The following TUBA4B variants were observed in gnomAD, a reference collection of about 807,000 sequenced individuals.
TUBA4B encodes the protein tubulin-like protein alpha-4B.
TUBA4B carries 13 observed loss-of-function variants against 18.4 expected under a neutral mutation model. That is an observed-to-expected ratio of 0.71 (90% CI 0.46 to 1.12). The LOEUF is 1.12. Ranked by LOEUF, TUBA4B falls within the 50% of genes most tolerant of loss-of-function variation. The pLI, the probability that TUBA4B is intolerant of heterozygous loss-of-function variation, is 0.00. For missense variants in TUBA4B, 244 were observed against 250.0 expected (o/e 0.98, Z 0.16); for synonymous variants, 101 against 99.1 (o/e 1.02, Z -0.11).
intron 1 of TUBA4B, among the ~76,000 whole-genome samples, chr2:219,260,116 G>A (rs1951751253): frequency 6.6e-6 from 1 of 151,648 alleles, no homozygotes; most frequent in Non-Finnish European, 1.5e-5. Flanking sequence ...TCTAGCTTTT[G>A]TCCTGGCCCC....
At chr2:219,261,976 A>T (rs1415242993) in intron 1 of TUBA4B, among the ~76,000 whole-genome samples, 1 of 152,110 alleles carries the variant, frequency 6.6e-6, no homozygotes, top group Non-Finnish European at 1.5e-5. Context: ...TGGTTTCCAG[A>T]TCTTGCCTCG....
chr2:219,269,675 A>G (rs1365876938), intron 2 of TUBA4B, among the ~76,000 whole-genome samples: 2 of 152,172 alleles, frequency 1.3e-5, no homozygotes, highest in Non-Finnish European at 2.9e-5. Flanking sequence ...GCAGTTGGCA[A>G]TGCCTGCTGG....
At chr2:219,262,040 A>G (rs1343422475) in intron 1 of TUBA4B, among the ~76,000 whole-genome samples, 4 of 152,220 alleles carry the variant, frequency 2.6e-5, no homozygotes, top group African/African-American at 9.6e-5. Context: ...GGCCGGGTGT[A>G]GTGGCTCACG....
intron 1 of TUBA4B, among the ~76,000 whole-genome samples, chr2:219,257,043 CTT>C (rs368841707): frequency 3.7e-5 from 4 of 107,584 alleles, no homozygotes; most frequent in South Asian, 3.4e-4. Flanking sequence ...CCCATTTTGG[CTT>C]TTTTTTTTTT....
intron 1 of TUBA4B, among the ~76,000 whole-genome samples, chr2:219,262,433 T>C (rs1185822483): frequency 1.3e-5 from 2 of 152,262 alleles, no homozygotes; most frequent in Non-Finnish European, 2.9e-5. Flanking sequence ...CCAGCCTTGT[T>C]TTCTTCACAT....
At chr2:219,259,248 G>A (rs1951745425) in intron 1 of TUBA4B, among the ~76,000 whole-genome samples, 1 of 151,118 alleles carries the variant, frequency 6.6e-6, no homozygotes, top group Non-Finnish European at 1.5e-5. Context: ...GAACCTTGGC[G>A]GCAGAGGTTG....
chr2:219,266,500 T>C, intron 1 of TUBA4B, 21 bp from the exon 2 acceptor site: 2 of 702,732 alleles, frequency 2.8e-6, no homozygotes, highest in Non-Finnish European at 5.2e-6. Flanking sequence ...CACAGATCTA[T>C]CCCTGCTCAC....
chr2:219,258,511 G>A (rs988188289), intron 1 of TUBA4B, among the ~76,000 whole-genome samples: 5 of 149,512 alleles, frequency 3.3e-5, no homozygotes, highest in African/African-American at 1.2e-4. Context: ...TGTATTATTA[G>A]TAGAGATGGG....
At chr2:219,253,711 G>A in intron 1 of TUBA4B, 2 of 1,017,388 alleles carry the variant, frequency 2.0e-6, no homozygotes, top group Non-Finnish European at 2.9e-6. Context: ...CCAGGAGGGG[G>A]TTGGGGAGGG....
intron 1 of TUBA4B, among the ~76,000 whole-genome samples, chr2:219,257,630 A>C (rs1951729640): frequency 9.2e-6 from 1 of 108,838 alleles, no homozygotes; most frequent in Non-Finnish European, 1.8e-5. Flanking sequence ...CAATAGTGAG[A>C]GACACTGTCT....
chr2:219,259,385 TTGTG>T (rs370289235), intron 1 of TUBA4B, among the ~76,000 whole-genome samples: 1 of 148,974 alleles, frequency 6.7e-6, no homozygotes, highest in East Asian at 2.0e-4. Context: ...CTGCTTCTGA[TTGTG>T]TGTGTGTGTG....
At chr2:219,267,823 A>G (rs1052123530) in intron 2 of TUBA4B, among the ~76,000 whole-genome samples, 2 of 152,096 alleles carry the variant, frequency 1.3e-5, no homozygotes, top group African/African-American at 2.4e-5. Flanking sequence ...TCGGCCTCCT[A>G]AAGTGTTGGG....
Position 219,271,337 on chromosome 2 carries a change from C to A in TUBA4B, c.364C>A (p.Gln122Lys), listed in dbSNP as rs7580926. 0.026 allele frequency: 41,552 copies of A among 1,612,856 alleles called. 2,389 individuals carry two copies. The highest frequency in any genetic ancestry group is 0.22 in the African/African-American group (16,356 of 74,926). ...PAPQVSTAMV[Q>K]PYNSILTTHT... ...CCCCCAGGTGTCTACAGCCATGGTC[C>A]AGCCCTACAACTCTATCCTGACCAC... is the stretch of plus-strand genomic sequence containing the variant. Residue 122 changes from glutamine to lysine, a missense_variant, in exon 4 of 4, where the codon CAG becomes AAG. Gln to Lys is a moderately conservative substitution (Grantham distance 53, BLOSUM62 1). Coordinates refer to ENST00000490341, the MANE Select transcript of TUBA4B (RefSeq NM_001355221.1).
intron 1 of TUBA4B, among the ~76,000 whole-genome samples, chr2:219,264,216 T>G (rs545837117): frequency 6.6e-6 from 1 of 152,228 alleles, no homozygotes; most frequent in East Asian, 1.9e-4. Flanking sequence ...TCCCAGAACT[T>G]TGGGAAGTCA....
At chr2:219,260,956 C>T (rs967806119) in intron 1 of TUBA4B, among the ~76,000 whole-genome samples, 3 of 151,240 alleles carry the variant, frequency 2.0e-5, no homozygotes, top group South Asian at 4.2e-4. Context: ...GGGACAAGAG[C>T]GAGACTTCAT....
Position 219,266,548 on chromosome 2 carries a change from C to T in TUBA4B, c.40C>T (p.Pro14Ser). The change falls in exon 2 of 4, where the codon CCC (proline) becomes TCC (serine). Residue 14 changes from proline to serine, a missense_variant. Transcript: ENST00000490341. ...GACAGAGAGACAAGACCCCAGCCAG[C>T]CCCTGTCCAGGCAGCATGGTGAGTA... is the stretch of plus-strand genomic sequence containing the variant. ...QQTERQDPSQ[P>S]LSRQHGTYRQ... is the part of the protein sequence containing the mutation. The T allele has an allele frequency of 1.4e-6, 1 of 703,030 alleles. No homozygotes were observed. The highest frequency in any genetic ancestry group is 2.6e-6 in the Non-Finnish European group (1 of 384,980). The allele number at this position is 703,030 out of a possible 1,614,324, so 43.5% of individuals were successfully genotyped here. A position where few individuals can be genotyped will look rare whatever the true frequency, so the allele number is the denominator to read the frequency against.
In TUBA4B at chr2:219,270,310, T is replaced by G. The variant is rs1253024375; in HGVS notation, c.167T>G (p.Leu56Arg). Residue 56 changes from leucine (L) to arginine (R), a missense_variant, in exon 3 of 4, where the codon CTG becomes CGG. Coordinates refer to ENST00000490341, the MANE Select transcript of TUBA4B (RefSeq NM_001355221.1). ...HYTIGKEFID[L>R]LLDRIRKLAD... ...ACCATTGGGAAGGAGTTCATCGACCTGCTACTGGACCGGATTCGGAAGCTG... is the reference window on the plus strand; with the variant it reads ...ACCATTGGGAAGGAGTTCATCGACCGGCTACTGGACCGGATTCGGAAGCTG... 1.3e-6 allele frequency: 1 copy of G among 750,702 alleles called. No homozygotes were observed. Among genetic ancestry groups the G allele is most frequent in the South Asian group, 1.4e-5 (1 of 71,370 alleles). 46.5% of individuals were successfully genotyped at this position (750,702 alleles called of 1,614,324 possible). A position where few individuals can be genotyped will look rare whatever the true frequency, so the allele number is the denominator to read the frequency against.
At chr2:219,259,718 C>A (rs1471273234) in intron 1 of TUBA4B, among the ~76,000 whole-genome samples, 2 of 152,170 alleles carry the variant, frequency 1.3e-5, no homozygotes, top group East Asian at 3.8e-4. Context: ...TGGAGCAGGG[C>A]AGCAAGGTAC....
chr2:219,263,712 T>C (rs550538482), intron 1 of TUBA4B, among the ~76,000 whole-genome samples: 1 of 152,212 alleles, frequency 6.6e-6, no homozygotes, highest in Non-Finnish European at 1.5e-5. Flanking sequence ...ATCTTTGATA[T>C]GTTAAGTGGC....
Sources: gnomAD v4.1 joint callset for allele counts (sites outside exome capture counted in the v4.1 genomes callset) on GRCh38, gnomAD v4.1.1 for gene constraint, MANE v1.5 for transcripts, NCBI Gene and HGNC (gene_info 2026-07-23, HGNC 2026-07-21) for gene names.